The following LPP variants were observed in gnomAD, a reference collection of about 807,000 sequenced individuals.
LPP encodes the protein lipoma-preferred partner.
A neutral mutation model predicts 60.4 loss-of-function variants in LPP; 38 were observed. The observed-to-expected ratio is 0.63, with a 90% CI of 0.49 to 0.83. The LOEUF (loss-of-function observed/expected upper bound fraction) is 0.83. LPP is among the 40% of genes least tolerant of loss of function. The probability of loss-of-function intolerance (pLI) is 0.00; values close to 1 mark genes in which losing one functional copy is unlikely to be tolerated. For synonymous variants in LPP, 328 were observed against 290.8 expected (o/e 1.13, Z -1.30); for missense variants, 902 against 783.6 (o/e 1.15, Z -1.80).
chr3:188,771,549 CAAA>C lies in LPP; in HGVS notation c.1410+11282_1410+11284del, dbSNP rs66712771. On this transcript the variant is annotated intron_variant, in intron 9 of 11. Coordinates refer to ENST00000617246, the MANE Select transcript of LPP (RefSeq NM_001375462.1). ...TGGGCGACAGAGTGAGACTCCATCT[CAAA>C]AAAAAAAAAAAAAAGAAAGAAAGAA... Among the ~76,000 whole-genome samples the C allele has an allele frequency of 1.3e-3, 146 of 108,918 alleles. 2 individuals carry two copies. In the Middle Eastern group the frequency reaches 0.016, roughly 12 times the overall value. The allele number at this position is 108,918 out of a possible 152,430, so 71.5% of individuals were successfully genotyped here. A position where few individuals can be genotyped will look rare whatever the true frequency, so the allele number is the denominator to read the frequency against.
At position 188,477,056 on chromosome 3, in the gene LPP, G is replaced by T. The variant is rs555283787; in HGVS notation, c.194-7536G>T. Among the ~76,000 whole-genome samples the T allele has an allele frequency of 4.6e-5, 7 of 152,322 alleles. No homozygotes were observed. The South Asian group carries it at 1.4e-3, about 32-fold the overall frequency. ...TGCTTGCTCTCCCTCTGGGACAGAGGTCTGTGATCCCACTGACATAGTGCA... is the reference window on the plus strand; with the variant it reads ...TGCTTGCTCTCCCTCTGGGACAGAGTTCTGTGATCCCACTGACATAGTGCA... On this transcript the variant is annotated intron_variant, in intron 4 of 11. Transcript: ENST00000617246.
chr3:188,437,585 T>C lies in LPP; in HGVS notation c.193+31272T>C, dbSNP rs552941715. Reference sequence around the variant, plus strand: ...TTTAGTCTTTGCCAATATATGTTTATAGTTTTCATAATATGTAACTAAAGA... The same window carrying C: ...TTTAGTCTTTGCCAATATATGTTTACAGTTTTCATAATATGTAACTAAAGA... On this transcript the variant is annotated intron_variant, in intron 4 of 11. Transcript: ENST00000617246. Among the ~76,000 whole-genome samples, 3 of 152,354 alleles carry C rather than the reference T, an allele frequency of 2.0e-5. No individual in the cohort carries two copies. In the East Asian group the frequency reaches 5.8e-4, roughly 29 times the overall value.
At chr3:188,246,972 G>A (rs772104530) in intron 2 of LPP, among the ~76,000 whole-genome samples, 3 of 152,128 alleles carry the variant, frequency 2.0e-5, no homozygotes, top group Non-Finnish European at 4.4e-5. Flanking sequence ...GAGAACTCTG[G>A]TTGTCTTAAG....
At chr3:188,607,157 A>G (rs1842551011) in intron 6 of LPP, among the ~76,000 whole-genome samples, 1 of 131,092 alleles carries the variant, frequency 7.6e-6, no homozygotes, top group African/African-American at 2.6e-5. Flanking sequence ...ACACACACAC[A>G]CACACACACT....
chr3:188,637,154 A>C (rs1580588334), intron 7 of LPP, among the ~76,000 whole-genome samples: 1 of 151,706 alleles, frequency 6.6e-6, no homozygotes, highest in East Asian at 1.9e-4. Context: ...AGAAATTATA[A>C]CAAACTATCT....
At chr3:188,365,044 G>A (rs1770693693) in intron 3 of LPP, among the ~76,000 whole-genome samples, 1 of 151,980 alleles carries the variant, frequency 6.6e-6, no homozygotes, top group South Asian at 2.1e-4. Flanking sequence ...TAAACAGAGG[G>A]CTAATAAAGG....
chr3:188,672,938 G>A (rs1857233253), intron 7 of LPP, among the ~76,000 whole-genome samples: 1 of 150,532 alleles, frequency 6.6e-6, no homozygotes. Flanking sequence ...CATTTCTAAG[G>A]AAAAAATTGT....
intron 3 of LPP, among the ~76,000 whole-genome samples, chr3:188,370,665 C>G (rs1018869186): frequency 5.3e-5 from 8 of 152,116 alleles, no homozygotes; most frequent in East Asian, 1.9e-4. Context: ...CTCAAGGAAG[C>G]CTGGGTTGGC....
chr3:188,751,188 G>C (rs1463416915), intron 8 of LPP, among the ~76,000 whole-genome samples: 2 of 152,038 alleles, frequency 1.3e-5, no homozygotes, highest in African/African-American at 4.8e-5. Flanking sequence ...TATCAGGTTT[G>C]GTCTCAAATA....
chr3:188,846,123 T>C (rs1384705893), intron 9 of LPP, among the ~76,000 whole-genome samples: 1 of 152,236 alleles, frequency 6.6e-6, no homozygotes, highest in Non-Finnish European at 1.5e-5. Flanking sequence ...GATGAGTCCG[T>C]GCTGGTCCCA....
In LPP at chr3:188,657,258, G is replaced by GTGTGTATATATATATATA. The variant is rs1553782707; in HGVS notation, c.1113+47415_1113+47416insGTGTATATATATATATAT. 1.8e-4 allele frequency among the ~76,000 whole-genome samples: 16 copies of GTGTGTATATATATATATA among 89,838 alleles called. 1 individual carries two copies. The East Asian group carries it at 3.6e-3, about 20-fold the overall frequency. The allele number at this position is 89,838 out of a possible 152,430, so 58.9% of individuals were successfully genotyped here. ...ATAAGTTTTCAAGAGCTGTCAAGGT[G>GTGTGTATATATATATATA]TATATATATATATATATATATATTT... is the stretch of plus-strand genomic sequence containing the variant. On this transcript the variant is annotated intron_variant, in intron 7 of 11. Coordinates refer to ENST00000617246, the MANE Select transcript of LPP (RefSeq NM_001375462.1).
chr3:188,577,226 G>A (rs1834824065), intron 6 of LPP, among the ~76,000 whole-genome samples: 2 of 152,040 alleles, frequency 1.3e-5, no homozygotes, highest in Admixed American at 1.3e-4. Context: ...TAGGGCTTTG[G>A]ATTTAAAAAA....
At chr3:188,391,991 G>T (rs545852077) in intron 3 of LPP, among the ~76,000 whole-genome samples, 6 of 152,240 alleles carry the variant, frequency 3.9e-5, no homozygotes, top group Non-Finnish European at 5.9e-5. Context: ...AATTTCTTTT[G>T]CAATCAAACC....
At position 188,646,763 on chromosome 3, in the gene LPP, A is replaced by G. The variant is rs145876061; in HGVS notation, c.1113+36919A>G. ...TTGGCAGAAAGCCAAAAAGTTTCTCAGCTAGGAACAAAACACAAGTTCCCT... is the reference window on the plus strand; with the variant it reads ...TTGGCAGAAAGCCAAAAAGTTTCTCGGCTAGGAACAAAACACAAGTTCCCT... On this transcript the variant is annotated intron_variant, in intron 7 of 11. Coordinates refer to ENST00000617246, the MANE Select transcript of LPP (RefSeq NM_001375462.1). Among the ~76,000 whole-genome samples the G allele has an allele frequency of 3.4e-3, 515 of 152,356 alleles. 2 individuals are homozygous for G. The highest frequency in any genetic ancestry group is 0.012 in the African/African-American group (491 of 41,572).
Position 188,495,184 on chromosome 3 carries a change from A to AAT in LPP, c.306+10489_306+10490dup, listed in dbSNP as rs1553913673. Among the ~76,000 whole-genome samples, 56 of 5,834 alleles carry AAT rather than the reference A, an allele frequency of 9.6e-3. No homozygotes were observed. The East Asian group carries it at 0.27, about 28-fold the overall frequency. The allele number at this position is 5,834 out of a possible 152,430, so 3.8% of individuals were successfully genotyped here. A position where few individuals can be genotyped will look rare whatever the true frequency, so the allele number is the denominator to read the frequency against. ...TATTTATATATATTTATAAATATAT[A>AAT]ATATATATATTTATAAATATATATA... On this transcript the variant is annotated intron_variant, in intron 5 of 11. Coordinates refer to ENST00000617246, the MANE Select transcript of LPP (RefSeq NM_001375462.1).
chr3:188,284,036 G>A (rs562848349), intron 2 of LPP, among the ~76,000 whole-genome samples: 3 of 152,092 alleles, frequency 2.0e-5, no homozygotes, highest in Non-Finnish European at 4.4e-5. Flanking sequence ...GAAAGCTCTG[G>A]AAACATCCTC....
intron 4 of LPP, among the ~76,000 whole-genome samples, chr3:188,464,594 T>G (rs1237578696): frequency 6.6e-6 from 1 of 152,174 alleles, no homozygotes; most frequent in East Asian, 1.9e-4. Flanking sequence ...CTTTAAAATA[T>G]TGATATTTGG....
At chr3:188,518,678 T>C (rs1320111981) in intron 5 of LPP, among the ~76,000 whole-genome samples, 1 of 152,230 alleles carries the variant, frequency 6.6e-6, no homozygotes, top group East Asian at 1.9e-4. Context: ...TATGGTTGTC[T>C]ACCTCAGAGA....
chr3:188,684,630 GTTTCA>G (rs111250810), intron 7 of LPP, among the ~76,000 whole-genome samples: 19,947 of 150,610 alleles, frequency 0.13, 1,472 homozygotes, highest in Non-Finnish European at 0.17. Flanking sequence ...AGAATCTGTT[GTTTCA>G]TTTAATTACT....
Sources: gnomAD v4.1 joint callset for allele counts (sites outside exome capture counted in the v4.1 genomes callset) on GRCh38, gnomAD v4.1.1 for gene constraint, MANE v1.5 for transcripts, NCBI Gene and HGNC (gene_info 2026-07-23, HGNC 2026-07-21) for gene names.